The following FAM120A variants were observed in gnomAD, a reference collection of about 807,000 sequenced individuals.
The protein encoded by FAM120A is family with sequence similarity 120 member A.
A neutral mutation model predicts 109.7 loss-of-function variants in FAM120A; 15 were observed. The ratio of observed to expected loss-of-function variants is 0.14; its 90% confidence interval spans 0.09 to 0.21. The LOEUF (loss-of-function observed/expected upper bound fraction) is 0.21. Ranked by LOEUF, FAM120A falls within the 10% of genes least tolerant of loss-of-function variation. The pLI, the probability that FAM120A is intolerant of heterozygous loss-of-function variation, is 1.00. For synonymous variants in FAM120A, 493 were observed against 572.8 expected (o/e 0.86, Z 1.99); for missense variants, 899 against 1,439.3 (o/e 0.62, Z 6.07).
At chr9:93,541,820 G>GTTCC (rs1267973992) in intron 10 of FAM120A, among the ~76,000 whole-genome samples, 1 of 152,162 alleles carries the variant, frequency 6.6e-6, no homozygotes, top group Non-Finnish European at 1.5e-5. Context: ...GACTCAACGT[G>GTTCC]TTCCTATACG....
At chr9:93,554,120 T>TACACACAGAC (rs1554786170) in intron 12 of FAM120A, among the ~76,000 whole-genome samples, 10 of 87,464 alleles carry the variant, frequency 1.1e-4, no homozygotes, top group African/African-American at 4.0e-4. Context: ...GGCCATTTGA[T>TACACACAGAC]ACACACACAC....
chr9:93,512,437 A>G (rs550734102), intron 5 of FAM120A, among the ~76,000 whole-genome samples: 1 of 152,332 alleles, frequency 6.6e-6, no homozygotes, highest in Non-Finnish European at 1.5e-5. Flanking sequence ...AGAACTTCTC[A>G]CTATTTAAAA....
At chr9:93,503,575 G>A (rs1021762297) in intron 5 of FAM120A, among the ~76,000 whole-genome samples, 1 of 152,124 alleles carries the variant, frequency 6.6e-6, no homozygotes, top group Non-Finnish European at 1.5e-5. Flanking sequence ...CAGAGGTTGT[G>A]GGGAGGGAGG....
intron 3 of FAM120A, among the ~76,000 whole-genome samples, chr9:93,494,780 CCTG>C (rs1859496746): frequency 6.6e-6 from 1 of 152,118 alleles, no homozygotes; most frequent in Non-Finnish European, 1.5e-5. Flanking sequence ...GGTAGGAAGA[CCTG>C]CTTGTTTCAT....
rs749245623 is a variant in FAM120A at position 93,529,334 on chromosome 9, T to C, written c.1507-19T>C. ...ATGACATACACTCGTTTTCCTCCCT[T>C]CTGCTCTCTGCACTGTAGGCAGAAG... On this transcript the variant is annotated intron_variant, in intron 8 of 17. Coordinates refer to ENST00000277165, the MANE Select transcript of FAM120A (RefSeq NM_014612.5). 1 of 1,573,192 alleles carries C rather than the reference T, an allele frequency of 6.4e-7. No homozygotes were observed. Among genetic ancestry groups the C allele is most frequent in the Non-Finnish European group, 8.6e-7 (1 of 1,161,110 alleles).
intron 7 of FAM120A, among the ~76,000 whole-genome samples, chr9:93,522,520 C>T (rs1186068908): frequency 6.6e-6 from 1 of 152,128 alleles, no homozygotes. Context: ...TGTACATGTA[C>T]TTAATACCCA....
chr9:93,490,894 A>T (rs1437073448), intron 3 of FAM120A, among the ~76,000 whole-genome samples: 2 of 152,184 alleles, frequency 1.3e-5, no homozygotes, highest in Admixed American at 6.5e-5. Context: ...AGGCAGCTTC[A>T]GTGAGGGCTT....
rs750805774 is a variant in FAM120A at position 93,557,981 on chromosome 9, C to A, written c.2639C>A (p.Pro880His). ...CCCCGGCACTTTGGGCCTGTCCCAC[C>A]CTCTCAGGGCAGGGGCAGAGGCTTT... is the stretch of plus-strand genomic sequence containing the variant. ...AYPRHFGPVP[P>H]SQGRGRGFAG... The change falls in exon 14 of 18, where the codon CCC becomes CAC. Residue 880 changes from proline to histidine, a missense_variant. Pro to His is a moderately conservative substitution (Grantham distance 77, BLOSUM62 -2). Around this residue, in one of 11 missense-constraint regions of FAM120A, gnomAD observed 129 missense variants for 153.4 expected, o/e 0.84. Coordinates refer to ENST00000277165, the MANE Select transcript of FAM120A (RefSeq NM_014612.5). 2 of 1,601,308 alleles carry A rather than the reference C, an allele frequency of 1.2e-6. No homozygotes were observed. The highest frequency in any genetic ancestry group is 1.7e-6 in the Non-Finnish European group (2 of 1,179,284).
intron 3 of FAM120A, among the ~76,000 whole-genome samples, chr9:93,483,507 T>C (rs1021472861): frequency 6.6e-6 from 1 of 152,152 alleles, no homozygotes; most frequent in Non-Finnish European, 1.5e-5. Flanking sequence ...TTTTACTGTT[T>C]TAGATAGAAG....
chr9:93,562,756 C>G (rs532755058), intron 17 of FAM120A, among the ~76,000 whole-genome samples: 2 of 151,384 alleles, frequency 1.3e-5, no homozygotes, highest in African/African-American at 4.9e-5. Flanking sequence ...CCTCCACTTC[C>G]CGGGTTCAAG....
chr9:93,465,204 T>A (rs918653177), intron 1 of FAM120A, among the ~76,000 whole-genome samples: 2 of 152,244 alleles, frequency 1.3e-5, no homozygotes, highest in African/African-American at 2.4e-5. Context: ...TTTTTTCCAT[T>A]CCCACCCAAA....
intron 7 of FAM120A, among the ~76,000 whole-genome samples, chr9:93,517,136 A>G (rs1860634651): frequency 6.6e-6 from 1 of 152,196 alleles, no homozygotes; most frequent in Admixed American, 6.5e-5. Flanking sequence ...CATCTGTGAA[A>G]TGGGAATAAA....
In FAM120A at chr9:93,543,165, A is replaced by G. The variant is rs1030436462; in HGVS notation, c.1910-57A>G. ...ACTAGAGCTGCTTGTTTTTGTTAAGACTGAAAGCAGGTGAATGATGCATGA... is the reference window on the plus strand; with the variant it reads ...ACTAGAGCTGCTTGTTTTTGTTAAGGCTGAAAGCAGGTGAATGATGCATGA... On this transcript the variant is annotated intron_variant, in intron 10 of 17. Transcript: ENST00000277165. The G allele has an allele frequency of 8.9e-6, 14 of 1,579,366 alleles. No individual in the cohort carries two copies. The Admixed American group carries it at 2.3e-4, about 26-fold the overall frequency.
intron 5 of FAM120A, among the ~76,000 whole-genome samples, chr9:93,512,342 C>T (rs979455547): frequency 6.6e-6 from 1 of 152,110 alleles, no homozygotes; most frequent in African/African-American, 2.4e-5. Context: ...GTAAGTGAGT[C>T]CTTTGAGGAA....
intron 11 of FAM120A, among the ~76,000 whole-genome samples, chr9:93,544,891 C>T (rs1861827070): frequency 6.6e-6 from 1 of 152,116 alleles, no homozygotes; most frequent in Admixed American, 6.5e-5. Flanking sequence ...TGGTGCTGCT[C>T]TCACCTTTTG....
intron 4 of FAM120A, among the ~76,000 whole-genome samples, chr9:93,497,982 G>T (rs923740480): frequency 2.0e-5 from 3 of 152,218 alleles, no homozygotes; most frequent in Non-Finnish European, 4.4e-5. Context: ...TCTCTGATTT[G>T]TCTGTTTTCT....
intron 3 of FAM120A, among the ~76,000 whole-genome samples, chr9:93,488,978 G>A (rs1859193306): frequency 6.8e-6 from 1 of 147,970 alleles, no homozygotes; most frequent in South Asian, 2.1e-4. Flanking sequence ...CTCTTCATCT[G>A]TAGCAGTGAT....
chr9:93,545,804 T>TTTTTTTTTTTTTG (rs1861862061), intron 11 of FAM120A, among the ~76,000 whole-genome samples: 1 of 127,918 alleles, frequency 7.8e-6, no homozygotes, highest in Non-Finnish European at 1.7e-5. Flanking sequence ...TTTTTTTTTT[T>TTTTTTTTTTTTTG]TTGAGACGGA....
At position 93,497,603 on chromosome 9, in the gene FAM120A, A is replaced by G. The variant is rs1588843345; in HGVS notation, c.933+4A>G. On this transcript the variant is annotated splice_donor_region_variant and intron_variant, in intron 4 of 17. Transcript: ENST00000277165. ...AGATGTTTTCCAGCATTCACAGGTAAAAAAAAAAACAAACAAAACAAAAAA... is the reference window on the plus strand; with the variant it reads ...AGATGTTTTCCAGCATTCACAGGTAGAAAAAAAAACAAACAAAACAAAAAA... 6.4e-7 allele frequency: 1 copy of G among 1,564,918 alleles called. No homozygotes were observed.
Sources: allele counts gnomAD v4.1 joint callset (sites outside exome capture counted in the v4.1 genomes callset), GRCh38; gene constraint gnomAD v4.1.1; regional missense constraint gnomAD v4.1.1; transcripts MANE v1.5; gene names NCBI Gene and HGNC (gene_info 2026-07-23, HGNC 2026-07-21).